The following RABGAP1L variants were observed in gnomAD, a reference collection of about 807,000 sequenced individuals.
RABGAP1L encodes the protein rab GTPase-activating protein 1-like.
In RABGAP1L, 63 loss-of-function variants were observed where a neutral mutation model predicts 137.7. That is an observed-to-expected ratio of 0.46 (90% CI 0.37 to 0.56). The LOEUF (loss-of-function observed/expected upper bound fraction) is 0.56. Among genes scored for constraint, RABGAP1L ranks in the 20% least tolerant of loss-of-function variants. The pLI, the probability that RABGAP1L is intolerant of heterozygous loss-of-function variation, is 0.00. For synonymous variants in RABGAP1L, 431 were observed against 433.7 expected (o/e 0.99, Z 0.08); for missense variants, 1,095 against 1,244.0 (o/e 0.88, Z 1.80).
At chr1:174,893,893 T>C (rs2149129644) in intron 19 of RABGAP1L, among the ~76,000 whole-genome samples, 1 of 152,284 alleles carries the variant, frequency 6.6e-6, no homozygotes, top group East Asian at 1.9e-4. Context: ...AATTAATATC[T>C]CCAAGTCACT....
At chr1:174,955,407 A>C (rs1410420312) in intron 19 of RABGAP1L, among the ~76,000 whole-genome samples, 1 of 152,244 alleles carries the variant, frequency 6.6e-6, no homozygotes, top group Non-Finnish European at 1.5e-5. Flanking sequence ...AGAACAAAGT[A>C]ATTAGAATAA....
intron 19 of RABGAP1L, among the ~76,000 whole-genome samples, chr1:174,865,693 C>T (rs1482494306): frequency 6.6e-6 from 1 of 152,136 alleles, no homozygotes; most frequent in South Asian, 2.1e-4. Context: ...CCCACCCACT[C>T]GGGAGCTGCG....
chr1:174,247,956 C>T (rs1345149762), intron 5 of RABGAP1L, among the ~76,000 whole-genome samples: 1 of 149,502 alleles, frequency 6.7e-6, no homozygotes, highest in African/African-American at 2.5e-5. Flanking sequence ...ACTAAATATA[C>T]ACTGAAGTTA....
At chr1:174,363,036 A>C (rs982719920) in intron 11 of RABGAP1L, among the ~76,000 whole-genome samples, 4 of 151,806 alleles carry the variant, frequency 2.6e-5, no homozygotes, top group African/African-American at 4.8e-5. Flanking sequence ...CCATTTATTG[A>C]ATAGGGAATC....
chr1:174,580,580 T>G (rs1224239184), intron 13 of RABGAP1L, among the ~76,000 whole-genome samples: 1 of 150,230 alleles, frequency 6.7e-6, no homozygotes, highest in Non-Finnish European at 1.5e-5. Context: ...AATCGAACAA[T>G]GAGAACACAT....
chr1:174,860,580 A>G (rs1464212580), intron 19 of RABGAP1L, among the ~76,000 whole-genome samples: 1 of 152,230 alleles, frequency 6.6e-6, no homozygotes, highest in African/African-American at 2.4e-5. Context: ...TCCTTCCTTC[A>G]CAACATTTGA....
intron 13 of RABGAP1L, among the ~76,000 whole-genome samples, chr1:174,538,793 G>A (rs1665104778): frequency 6.6e-6 from 1 of 152,088 alleles, no homozygotes; most frequent in South Asian, 2.1e-4. Context: ...CAAGTAACCT[G>A]GAGCTATAAG....
At chr1:174,615,356 C>T (rs907588916) in intron 13 of RABGAP1L, among the ~76,000 whole-genome samples, 9 of 152,188 alleles carry the variant, frequency 5.9e-5, no homozygotes, top group African/African-American at 2.2e-4. Flanking sequence ...ACCCTATTTG[C>T]CTGGGTATCA....
chr1:174,513,182 C>T (rs374985481), intron 13 of RABGAP1L, among the ~76,000 whole-genome samples: 10 of 151,990 alleles, frequency 6.6e-5, no homozygotes, highest in African/African-American at 1.9e-4. Flanking sequence ...TATATTTTCC[C>T]GTGCTTTTAA....
At chr1:174,622,603 G>C (rs953207084) in intron 13 of RABGAP1L, among the ~76,000 whole-genome samples, 1 of 152,124 alleles carries the variant, frequency 6.6e-6, no homozygotes, top group Non-Finnish European at 1.5e-5. Flanking sequence ...CTGTCACAAG[G>C]ACAGAAAACC....
intron 13 of RABGAP1L, among the ~76,000 whole-genome samples, chr1:174,566,395 TG>T (rs1168709353): frequency 6.6e-6 from 1 of 152,102 alleles, no homozygotes; most frequent in Non-Finnish European, 1.5e-5. Context: ...GAACTTCTGG[TG>T]GTAATTGTTA....
intron 5 of RABGAP1L, among the ~76,000 whole-genome samples, chr1:174,250,187 T>C (rs893011688): frequency 6.6e-6 from 1 of 152,202 alleles, no homozygotes; most frequent in African/African-American, 2.4e-5. Context: ...ATATTTCCCT[T>C]CTTGGACTTC....
chr1:174,517,555 T>G (rs1011550861), intron 13 of RABGAP1L, among the ~76,000 whole-genome samples: 1 of 152,134 alleles, frequency 6.6e-6, no homozygotes, highest in Non-Finnish European at 1.5e-5. Flanking sequence ...AGAAGTAGAT[T>G]CTGTAGAAAT....
At chr1:174,378,235 G>C (rs960071048) in intron 12 of RABGAP1L, among the ~76,000 whole-genome samples, 1 of 151,048 alleles carries the variant, frequency 6.6e-6, no homozygotes, top group African/African-American at 2.4e-5. Flanking sequence ...GAATAATGCC[G>C]CAATAAACAT....
At chr1:174,773,383 A>G (rs1181120940) in intron 18 of RABGAP1L, among the ~76,000 whole-genome samples, 1 of 152,166 alleles carries the variant, frequency 6.6e-6, no homozygotes, top group African/African-American at 2.4e-5. Context: ...ACAAATAAAT[A>G]AATAAAAGCC....
At chr1:174,867,437 A>T (rs1651463693) in intron 19 of RABGAP1L, among the ~76,000 whole-genome samples, 2 of 152,200 alleles carry the variant, frequency 1.3e-5, no homozygotes, top group Admixed American at 1.3e-4. Context: ...TTAAGAGCAA[A>T]ATACTAAGAT....
chr1:174,383,571 G>C (rs573289090), intron 12 of RABGAP1L, among the ~76,000 whole-genome samples: 14 of 151,428 alleles, frequency 9.2e-5, no homozygotes, highest in Non-Finnish European at 1.6e-4. Flanking sequence ...GTCCGTCACC[G>C]CTTTCTTTGA....
At chr1:174,648,563 G>A (rs1197995731) in intron 14 of RABGAP1L, among the ~76,000 whole-genome samples, 1 of 152,116 alleles carries the variant, frequency 6.6e-6, no homozygotes, top group Non-Finnish European at 1.5e-5. Context: ...AGTGTCGTCT[G>A]ACAGACTGTT....
chr1:174,723,487 C>T (rs1164830216), intron 17 of RABGAP1L, among the ~76,000 whole-genome samples: 2 of 152,168 alleles, frequency 1.3e-5, no homozygotes, highest in Admixed American at 1.3e-4. Flanking sequence ...ACAGGTAATA[C>T]CTAATCTAAA....
Sources: gnomAD v4.1 joint callset for allele counts (sites outside exome capture counted in the v4.1 genomes callset) on GRCh38, gnomAD v4.1.1 for gene constraint, MANE v1.5 for transcripts, NCBI Gene and HGNC (gene_info 2026-07-23, HGNC 2026-07-21) for gene names.